The following PBX3 variants were observed in gnomAD, a reference collection of about 807,000 sequenced individuals.
The protein encoded by PBX3 is PBX homeobox 3.
PBX3 carries 14 observed loss-of-function variants against 48.5 expected under a neutral mutation model. That is an observed-to-expected ratio of 0.29 (90% CI 0.19 to 0.45). The LOEUF is 0.45. PBX3 is among the 20% of genes least tolerant of loss of function. The pLI is 1.00. For missense variants in PBX3, 386 were observed against 546.7 expected (o/e 0.71, Z 2.93); for synonymous variants, 210 against 200.3 (o/e 1.05, Z -0.41).
intron 2 of PBX3, among the ~76,000 whole-genome samples, chr9:125,805,220 G>T (rs1838089917): frequency 6.6e-6 from 1 of 152,092 alleles, no homozygotes; most frequent in African/African-American, 2.4e-5. Context: ...ACTGCCAAGT[G>T]CACAGGCCTG....
intron 3 of PBX3, among the ~76,000 whole-genome samples, chr9:125,920,133 TG>T (rs1841425909): frequency 6.6e-6 from 1 of 152,252 alleles, no homozygotes. Flanking sequence ...TTCTTCTTGT[TG>T]ATTCTGACAC....
intron 2 of PBX3, among the ~76,000 whole-genome samples, chr9:125,874,166 C>T (rs781233577): frequency 2.0e-4 from 31 of 151,972 alleles, no homozygotes; most frequent in Non-Finnish European, 4.1e-4. Context: ...AGAAAATGTT[C>T]GTAATCTTAT....
chr9:125,809,412 T>C, intron 2 of PBX3, among the ~76,000 whole-genome samples: 1 of 152,136 alleles, frequency 6.6e-6, no homozygotes. Flanking sequence ...TAACATTATT[T>C]TCCATCTCAA....
intron 2 of PBX3, among the ~76,000 whole-genome samples, chr9:125,831,629 C>T (rs1231328176): frequency 6.6e-6 from 1 of 152,040 alleles, no homozygotes; most frequent in Non-Finnish European, 1.5e-5. Flanking sequence ...TGAGGTAGTG[C>T]CTTAGTATCC....
chr9:125,751,536 C>T (rs1836375152), intron 2 of PBX3, among the ~76,000 whole-genome samples: 1 of 152,106 alleles, frequency 6.6e-6, no homozygotes, highest in African/African-American at 2.4e-5. Flanking sequence ...AAGTATACTT[C>T]TACTATAAGA....
At chr9:125,811,674 CT>C (rs1838294285) in intron 2 of PBX3, among the ~76,000 whole-genome samples, 1 of 152,176 alleles carries the variant, frequency 6.6e-6, no homozygotes, top group East Asian at 1.9e-4. Context: ...TGAGAATGGA[CT>C]AATACAGGCT....
chr9:125,748,286 C>T (rs1405451809), intron 1 of PBX3: 1 of 1,092,080 alleles, frequency 9.2e-7, no homozygotes, highest in African/African-American at 1.7e-5. Flanking sequence ...AGGCTCCCCG[C>T]GCGGGTTCGC....
intron 2 of PBX3, among the ~76,000 whole-genome samples, chr9:125,854,891 T>A (rs1839680199): frequency 6.6e-6 from 1 of 152,226 alleles, no homozygotes; most frequent in African/African-American, 2.4e-5. Context: ...TTCTGAGATT[T>A]GGTTTTCTCA....
At chr9:125,927,903 A>G (rs12236570) in intron 3 of PBX3, among the ~76,000 whole-genome samples, 10,691 of 152,094 alleles carry the variant, frequency 0.07, 864 homozygotes, top group African/African-American at 0.18. Context: ...GCTGGGGGCC[A>G]GGCGCAGTGG....
intron 2 of PBX3, among the ~76,000 whole-genome samples, chr9:125,807,222 G>T (rs1838151070): frequency 6.6e-6 from 1 of 152,174 alleles, no homozygotes; most frequent in African/African-American, 2.4e-5. Context: ...TACTTGAAAG[G>T]CTGAGGCAGG....
At chr9:125,908,388 A>G (rs773519993) in intron 2 of PBX3, among the ~76,000 whole-genome samples, 8 of 152,088 alleles carry the variant, frequency 5.3e-5, no homozygotes, top group Non-Finnish European at 1.2e-4. Flanking sequence ...TGGCGATCTC[A>G]TTCTTCAGGG....
intron 2 of PBX3, among the ~76,000 whole-genome samples, chr9:125,888,584 T>C (rs921665809): frequency 1.3e-5 from 2 of 151,864 alleles, no homozygotes; most frequent in African/African-American, 4.8e-5. Context: ...CCGTTTGTTT[T>C]CTAATGTATT....
chr9:125,760,386 G>A (rs1836633712), intron 2 of PBX3, among the ~76,000 whole-genome samples: 1 of 151,304 alleles, frequency 6.6e-6, no homozygotes, highest in African/African-American at 2.4e-5. Context: ...AATACTGTTT[G>A]TGTATTTTAG....
chr9:125,907,837 A>T (rs73667290), intron 2 of PBX3, among the ~76,000 whole-genome samples: 5,814 of 152,146 alleles, frequency 0.038, 393 homozygotes, highest in African/African-American at 0.13. Flanking sequence ...TTATTTTCCC[A>T]TTTACTCACC....
In PBX3 at chr9:125,962,221, G is replaced by A. The variant is rs768662808; in HGVS notation, c.1122+7G>A. ...AGCCAATGTGCAATCACAGGTAGGA[G>A]AAATGCCCCAGTGGGGCCTTTCTAG... On this transcript the variant is annotated splice_region_variant and intron_variant, in intron 7 of 8. Coordinates refer to ENST00000373489, the MANE Select transcript of PBX3 (RefSeq NM_006195.6). The A allele has an allele frequency of 6.6e-7, 1 of 1,525,828 alleles. No homozygotes were observed. The highest frequency in any genetic ancestry group is 1.1e-5 in the South Asian group (1 of 89,096). 94.5% of individuals were successfully genotyped at this position (1,525,828 alleles called of 1,614,324 possible).
At position 125,794,836 on chromosome 9, in the gene PBX3, G is replaced by A. The variant is rs180768251; in HGVS notation, c.274+46213G>A. Among the ~76,000 whole-genome samples, 388 of 151,502 alleles carry A rather than the reference G, an allele frequency of 2.6e-3. 2 individuals are homozygous for A. Among genetic ancestry groups the A allele is most frequent in the African/African-American group, 8.9e-3 (369 of 41,354 alleles). On this transcript the variant is annotated intron_variant, in intron 2 of 8. Coordinates refer to ENST00000373489, the MANE Select transcript of PBX3 (RefSeq NM_006195.6). ...GGCAGAATTAAGCACTGTTCAGTGT[G>A]TACACCAAGAGAAGACTTCATGTTG...
intron 2 of PBX3, among the ~76,000 whole-genome samples, chr9:125,897,333 G>A (rs1840798709): frequency 6.6e-6 from 1 of 151,156 alleles, no homozygotes. Flanking sequence ...GCTTCTTGAG[G>A]GCAAAAAACA....
At chr9:125,837,885 C>T (rs561353442) in intron 2 of PBX3, among the ~76,000 whole-genome samples, 13 of 152,144 alleles carry the variant, frequency 8.5e-5, no homozygotes, top group Non-Finnish European at 1.0e-4. Context: ...CCACCACGCC[C>T]GGCCTAGACT....
intron 5 of PBX3, among the ~76,000 whole-genome samples, chr9:125,960,445 C>A (rs528568489): frequency 3.2e-4 from 49 of 152,306 alleles, no homozygotes; most frequent in Admixed American, 2.0e-3. Context: ...GCGCTCCCTG[C>A]CGTTTTGGTA....
Sources: allele counts gnomAD v4.1 joint callset (sites outside exome capture counted in the v4.1 genomes callset), GRCh38; gene constraint gnomAD v4.1.1; transcripts MANE v1.5; gene names NCBI Gene and HGNC (gene_info 2026-07-23, HGNC 2026-07-21).